PTPRD: variants seen among roughly 807,000 people sequenced by gnomAD.
PTPRD encodes the protein receptor-type tyrosine-protein phosphatase delta.
PTPRD carries 34 observed loss-of-function variants against 214.5 expected under a neutral mutation model. The observed-to-expected ratio is 0.16, with a 90% CI of 0.12 to 0.21. The LOEUF (loss-of-function observed/expected upper bound fraction) is 0.21, where lower values mean the gene tolerates loss of function less well. Ranked by LOEUF, PTPRD falls within the 10% of genes least tolerant of loss-of-function variation. The probability of loss-of-function intolerance (pLI) is 1.00; values close to 1 mark genes in which losing one functional copy is unlikely to be tolerated. For missense variants in PTPRD, 2,545 were observed against 2,398.7 expected (o/e 1.06, Z -1.27); for synonymous variants, 1,128 against 845.7 (o/e 1.33, Z -5.79).
intron 26 of PTPRD, 68 bp downstream of exon 26, chr9:8,497,174 G>C (rs1429416093): frequency 2.2e-6 from 3 of 1,337,728 alleles, no homozygotes; most frequent in Admixed American, 2.4e-5. Context: ...TCACAAATAA[G>C]TGAAAGGATG....
chr9:8,737,331 C>T (rs1054870347), intron 11 of PTPRD, among the ~76,000 whole-genome samples: 8 of 152,116 alleles, frequency 5.3e-5, no homozygotes, highest in African/African-American at 1.9e-4. Flanking sequence ...ATCTCCATTC[C>T]TTATCTTGTT....
At chr9:9,411,248 A>G (rs1418508173) in intron 8 of PTPRD, among the ~76,000 whole-genome samples, 2 of 134,320 alleles carry the variant, frequency 1.5e-5, no homozygotes, top group Non-Finnish European at 3.1e-5. Context: ...CCCTGAGGAT[A>G]CATAGCATTG....
At chr9:10,443,205 C>A (rs1047106652) in intron 2 of PTPRD, among the ~76,000 whole-genome samples, 3 of 151,330 alleles carry the variant, frequency 2.0e-5, no homozygotes, top group Admixed American at 1.3e-4. Flanking sequence ...CACATTGAGA[C>A]TATATATTCT....
intron 2 of PTPRD, among the ~76,000 whole-genome samples, chr9:10,487,994 C>G (rs1262896514): frequency 6.6e-6 from 1 of 150,890 alleles, no homozygotes; most frequent in African/African-American, 2.4e-5. Context: ...CTCTCTCTCT[C>G]TCTCTCTCTC....
intron 3 of PTPRD, among the ~76,000 whole-genome samples, chr9:10,047,039 C>G (rs1384633224): frequency 6.6e-6 from 1 of 151,838 alleles, no homozygotes. Context: ...TGTTTTACTA[C>G]ATAAACATCT....
At chr9:8,395,823 G>C (rs1564519206) in intron 36 of PTPRD, among the ~76,000 whole-genome samples, 1 of 152,026 alleles carries the variant, frequency 6.6e-6, no homozygotes, top group Non-Finnish European at 1.5e-5. Context: ...ATGGACACAG[G>C]AAAGTAGACG....
chr9:9,153,337 A>G (rs535979656), intron 10 of PTPRD, among the ~76,000 whole-genome samples: 1 of 152,328 alleles, frequency 6.6e-6, no homozygotes, highest in East Asian at 1.9e-4. Flanking sequence ...ATCAGCTTAC[A>G]TTCTTGGCGC....
At chr9:8,432,790 G>A (rs1440637851) in intron 35 of PTPRD, among the ~76,000 whole-genome samples, 1 of 152,112 alleles carries the variant, frequency 6.6e-6, no homozygotes, top group African/African-American at 2.4e-5. Context: ...GCCGGTTAAG[G>A]CACAGTAGAG....
chr9:9,065,352 T>A lies in PTPRD; in HGVS notation c.-142-46617A>T, dbSNP rs151019697. 2.0e-5 allele frequency among the ~76,000 whole-genome samples: 3 copies of A among 152,170 alleles called. No individual in the cohort carries two copies. The East Asian group carries it at 5.8e-4, about 30-fold the overall frequency. On this transcript the variant is annotated intron_variant, in intron 10 of 45. Coordinates refer to ENST00000381196, the MANE Select transcript of PTPRD (RefSeq NM_002839.4). ...TCCATTGGGAGGGAGATCTACAACA[T>A]CAGTGGGAAGCATGTTCTGTGCAGA...
intron 39 of PTPRD, among the ~76,000 whole-genome samples, chr9:8,373,850 G>C (rs201155446): frequency 0.18 from 24,198 of 134,438 alleles, 4,239 homozygotes; most frequent in African/African-American, 0.47. Flanking sequence ...GTATGTATGT[G>C]TATGTGTCTG....
intron 11 of PTPRD, among the ~76,000 whole-genome samples, chr9:8,979,463 A>G (rs1163785815): frequency 6.6e-6 from 1 of 152,104 alleles, no homozygotes; most frequent in Non-Finnish European, 1.5e-5. Context: ...TATGAAGTGG[A>G]AAAAAGTATT....
At chr9:8,820,321 C>T (rs1008040997) in intron 11 of PTPRD, among the ~76,000 whole-genome samples, 5 of 152,034 alleles carry the variant, frequency 3.3e-5, no homozygotes, top group African/African-American at 1.2e-4. Context: ...CTGTACTAGG[C>T]AATCTAGCTC....
At chr9:9,683,415 C>A (rs2154398774) in intron 7 of PTPRD, among the ~76,000 whole-genome samples, 1 of 151,706 alleles carries the variant, frequency 6.6e-6, no homozygotes, top group South Asian at 2.1e-4. Flanking sequence ...GATACCAGCA[C>A]CTGGTAAAAC....
chr9:10,143,201 C>T (rs1564095914), intron 3 of PTPRD, among the ~76,000 whole-genome samples: 1 of 151,926 alleles, frequency 6.6e-6, no homozygotes, highest in Non-Finnish European at 1.5e-5. Flanking sequence ...GTGCAGCGCA[C>T]CGGCATGGCA....
intron 11 of PTPRD, among the ~76,000 whole-genome samples, chr9:8,934,494 A>AATATATATATATAAAT (rs1420703537): frequency 4.0e-4 from 3 of 7,434 alleles, no homozygotes; most frequent in African/African-American, 1.2e-3. Flanking sequence ...TATATATATA[A>AATATATATATATAAAT]ATATATATAT....
At chr9:9,349,003 TTA>T (rs2137989783) in intron 9 of PTPRD, among the ~76,000 whole-genome samples, 1 of 152,238 alleles carries the variant, frequency 6.6e-6, no homozygotes, top group South Asian at 2.1e-4. Flanking sequence ...TATACATCTA[TTA>T]TCAGATTTAT....
intron 11 of PTPRD, among the ~76,000 whole-genome samples, chr9:8,911,414 GT>G (rs33911632): frequency 0.02 from 2,706 of 132,148 alleles, 86 homozygotes; most frequent in African/African-American, 0.083. Flanking sequence ...GTGTGTGTGT[GT>G]TGTGTGTGTG....
chr9:8,925,284 G>C (rs955076562), intron 11 of PTPRD, among the ~76,000 whole-genome samples: 2 of 152,002 alleles, frequency 1.3e-5, no homozygotes, highest in African/African-American at 4.8e-5. Flanking sequence ...TACATTAAAG[G>C]GTGCTCTTAT....
intron 11 of PTPRD, among the ~76,000 whole-genome samples, chr9:8,998,311 C>A (rs1464760090): frequency 6.6e-6 from 1 of 151,960 alleles, no homozygotes; most frequent in African/African-American, 2.4e-5. Context: ...CAGGTGGTGA[C>A]TTTTAGTGGA....
Sources: gnomAD v4.1 joint callset for allele counts (sites outside exome capture counted in the v4.1 genomes callset) on GRCh38, gnomAD v4.1.1 for gene constraint, MANE v1.5 for transcripts, NCBI Gene and HGNC (gene_info 2026-07-23, HGNC 2026-07-21) for gene names.